The following PPP2R2C variants were observed in gnomAD, a reference collection of about 807,000 sequenced individuals.
PPP2R2C encodes the protein protein phosphatase 2 regulatory subunit Bgamma, also known as protein phosphatase 2, regulatory subunit B, gamma.
In PPP2R2C, 10 loss-of-function variants were observed where a neutral mutation model predicts 45.3. The ratio of observed to expected loss-of-function variants is 0.22; its 90% CI spans 0.14 to 0.37. PPP2R2C has a LOEUF of 0.37. Among genes scored for constraint, PPP2R2C ranks in the 10% least tolerant of loss-of-function variants. The probability of loss-of-function intolerance (pLI) is 1.00; values close to 1 mark genes in which losing one functional copy is unlikely to be tolerated. For missense variants in PPP2R2C, 308 were observed against 619.7 expected (o/e 0.50, Z 5.34); for synonymous variants, 257 against 245.4 (o/e 1.05, Z -0.44).
rs540696998 is a variant in PPP2R2C, at chr4:6,345,570, C to T, written c.790+2276G>A. ...GTCAGAGACGTGAGAGAGGCTTGGC[C>T]GCTGTGGGCTGGGAGGATGGGGGAG... is the stretch of plus-strand genomic sequence containing the variant. On this transcript the variant is annotated intron_variant, in intron 6 of 8. Coordinates refer to ENST00000382599, the MANE Select transcript of PPP2R2C (RefSeq NM_020416.4). The surrounding 1 kb of genome is among the most constrained non-coding windows in gnomAD (Gnocchi z 5.3). Among the ~76,000 whole-genome samples, 219 of 152,160 alleles carry T rather than the reference C, an allele frequency of 1.4e-3. 1 individual carries two copies. Among genetic ancestry groups the T allele is most frequent in the Non-Finnish European group, 1.3e-3 (86 of 67,992 alleles).
rs945531057 is a variant in PPP2R2C, at chr4:6,472,586, C to A, written c.-357G>T. 6.8e-6 allele frequency: 1 copy of A among 146,354 alleles called. No homozygotes were observed. Among genetic ancestry groups the A allele is most frequent in the African/African-American group, 2.5e-5 (1 of 40,782 alleles). 9.1% of individuals were successfully genotyped at this position (146,354 alleles called of 1,614,324 possible). On this transcript the variant is annotated 5_prime_UTR_variant, in exon 1 of 9. Transcript: ENST00000382599. ...AGGGGACGCGCGCGGCGCTGCGCTG[C>A]GCCGACCAAGCCGGGGCCGAGCCGG...
intron 5 of PPP2R2C, among the ~76,000 whole-genome samples, chr4:6,358,271 C>T (rs1481214070): frequency 6.6e-6 from 1 of 152,126 alleles, no homozygotes; most frequent in South Asian, 2.1e-4. Flanking sequence ...GCTGGGAAAA[C>T]CAGCTAGCCA....
Position 6,329,374 on chromosome 4 carries a change from G to A in PPP2R2C, c.961-21C>T. 6.2e-7 allele frequency: 1 copy of A among 1,602,462 alleles called. No individual in the cohort carries two copies. Among genetic ancestry groups the A allele is most frequent in the Non-Finnish European group, 8.6e-7 (1 of 1,169,456 alleles). On this transcript the variant is annotated intron_variant, in intron 7 of 8. Coordinates refer to ENST00000382599, the MANE Select transcript of PPP2R2C (RefSeq NM_020416.4). The surrounding 1 kb of genome is among the most constrained non-coding windows in gnomAD (Gnocchi z 5.8). The stretch of plus-strand genomic sequence containing the variant: ...TGGACCTGGTGGGATAAGGGATGAG[G>A]TGAGTGGACGGGGCGTCCCGACCAT...
intron 1 of PPP2R2C, among the ~76,000 whole-genome samples, chr4:6,463,525 A>G (rs1028646573): frequency 1.1e-4 from 17 of 152,214 alleles, no homozygotes; most frequent in African/African-American, 3.9e-4. Context: ...CTGGAGGACA[A>G]TGGCCCCCAC....
chr4:6,453,453 T>A (rs1207924047), intron 1 of PPP2R2C, among the ~76,000 whole-genome samples: 2 of 151,826 alleles, frequency 1.3e-5, no homozygotes, highest in Non-Finnish European at 2.9e-5. Context: ...AGCAGCTCTA[T>A]CCCATGGGCA....
chr4:6,334,593 G>A (rs1329175368), intron 6 of PPP2R2C, among the ~76,000 whole-genome samples: 2 of 152,164 alleles, frequency 1.3e-5, no homozygotes, highest in African/African-American at 2.4e-5. Flanking sequence ...TGGGGCTGAA[G>A]TAGCGTGGGG....
Position 6,510,986 on chromosome 4 carries a change from A to C in PPP2R2C, c.49+24285T>G, listed in dbSNP as rs573874759. Among the ~76,000 whole-genome samples, 344 of 83,960 alleles carry C rather than the reference A, an allele frequency of 4.1e-3. 5 individuals are homozygous for C. The highest frequency in any genetic ancestry group is 0.012 in the African/African-American group (329 of 27,264). 55.1% of individuals were successfully genotyped at this position (83,960 alleles called of 152,430 possible). On this transcript the variant is annotated intron_variant, in intron 2 of 9. Coordinates refer to the PPP2R2C transcript ENST00000506140. ...AGTGAGACTCCGTCTCAAACAAAAAAAAACAAACAAACAAAAAAAAAAACA... is the reference window on the plus strand; with the variant it reads ...AGTGAGACTCCGTCTCAAACAAAAACAAACAAACAAACAAAAAAAAAAACA...
At chr4:6,425,632 T>C (rs1719241927) in intron 1 of PPP2R2C, among the ~76,000 whole-genome samples, 1 of 152,206 alleles carries the variant, frequency 6.6e-6, no homozygotes, top group Non-Finnish European at 1.5e-5. Flanking sequence ...ACAGGCTGCC[T>C]GGGCAGTTGC....
intron 6 of PPP2R2C, among the ~76,000 whole-genome samples, chr4:6,343,696 A>G (rs1483383028): frequency 6.6e-6 from 1 of 152,064 alleles, no homozygotes; most frequent in Non-Finnish European, 1.5e-5. Context: ...ATGGAGCCAA[A>G]TTCTGTCTAA....
At chr4:6,480,729 GC>G (rs1370099899) in intron 2 of PPP2R2C, among the ~76,000 whole-genome samples, 1 of 152,158 alleles carries the variant, frequency 6.6e-6, no homozygotes, top group Non-Finnish European at 1.5e-5. Flanking sequence ...TCTGGGTCAT[GC>G]ATACTGGAAT....
chr4:6,395,027 C>T (rs1332344096), intron 1 of PPP2R2C, among the ~76,000 whole-genome samples: 2 of 152,164 alleles, frequency 1.3e-5, no homozygotes, highest in Admixed American at 6.5e-5. Flanking sequence ...CCTGGCCTGG[C>T]CATGGTCACC....
At chr4:6,522,341 C>G (rs1045816859) in intron 2 of PPP2R2C, among the ~76,000 whole-genome samples, 1 of 152,236 alleles carries the variant, frequency 6.6e-6, no homozygotes, top group African/African-American at 2.4e-5. Context: ...TGGGAGCACT[C>G]CCGGGCATTA....
intron 5 of PPP2R2C, among the ~76,000 whole-genome samples, chr4:6,372,017 G>T (rs1470890094): frequency 1.3e-5 from 2 of 152,202 alleles, no homozygotes; most frequent in East Asian, 3.9e-4. Context: ...CCCTGACACA[G>T]GAGAACACCG....
intron 6 of PPP2R2C, among the ~76,000 whole-genome samples, chr4:6,342,530 C>T (rs554443152): frequency 1.3e-5 from 2 of 152,332 alleles, no homozygotes; most frequent in South Asian, 2.1e-4. Flanking sequence ...GGGCCAGGCA[C>T]GTCGTTGGGG....
At chr4:6,353,501 C>T (rs1280300040) in intron 5 of PPP2R2C, among the ~76,000 whole-genome samples, 1 of 30,470 alleles carries the variant, frequency 3.3e-5, no homozygotes, top group African/African-American at 1.7e-4. Flanking sequence ...CAACCCCCCA[C>T]ACCGACAGCC....
At chr4:6,511,694 TGGTGATGGTGGTGGA>T (rs1723531801) in intron 2 of PPP2R2C, among the ~76,000 whole-genome samples, 1 of 80,396 alleles carries the variant, frequency 1.2e-5, no homozygotes, top group Admixed American at 1.2e-4. Context: ...GAGGTGATGG[TGGTGATGGTGGTGGA>T]GGTGATGGTG....
chr4:6,404,157 G>A (rs1717634082), intron 1 of PPP2R2C, among the ~76,000 whole-genome samples: 2 of 152,162 alleles, frequency 1.3e-5, no homozygotes, highest in Non-Finnish European at 2.9e-5. Flanking sequence ...CCATGAGGCT[G>A]GGGTGCTGGG....
intron 1 of PPP2R2C, among the ~76,000 whole-genome samples, chr4:6,410,393 G>T (rs1577158114): frequency 6.6e-6 from 1 of 152,170 alleles, no homozygotes; most frequent in Non-Finnish European, 1.5e-5. Context: ...GGGGGTGGTG[G>T]CCACGAGTGA....
In PPP2R2C at chr4:6,363,945, G is replaced by A. The variant is rs551507497; in HGVS notation, c.625+8578C>T. ...CCATCAAGGACTTTCTAAGGAGGCC[G>A]GGGTCCTCCCCACCTTATCCTAACA... is the stretch of plus-strand genomic sequence containing the variant. On this transcript the variant is annotated intron_variant, in intron 5 of 8. Transcript: ENST00000382599. Among the ~76,000 whole-genome samples the A allele has an allele frequency of 5.3e-5, 8 of 152,298 alleles. No individual in the cohort carries two copies. In the East Asian group the frequency reaches 5.8e-4, roughly 11 times the overall value.
Sources: gnomAD v4.1 joint callset for allele counts (sites outside exome capture counted in the v4.1 genomes callset) on GRCh38, gnomAD v4.1.1 for gene constraint, Gnocchi (gnomAD v3.1) non-coding constraint, MANE v1.5 for transcripts, NCBI Gene and HGNC (gene_info 2026-07-23, HGNC 2026-07-21) for gene names.